Variants in FYB1 observed in about 807,000 individuals in gnomAD.
The protein encoded by FYB1 is FYN-binding protein 1.
In FYB1, 41 loss-of-function variants were observed where a neutral mutation model predicts 94.1. The ratio of observed to expected loss-of-function variants is 0.44; its 90% CI spans 0.34 to 0.57. FYB1 has a LOEUF of 0.57. Among genes scored for constraint, FYB1 ranks in the 20% least tolerant of loss-of-function variants. FYB1 has a pLI of 0.02. For synonymous variants in FYB1, 367 were observed against 353.2 expected, an observed-to-expected ratio of 1.04 and a Z score of -0.44; for missense variants, 1,050 against 976.8, an observed-to-expected ratio of 1.07 and a Z score of -1.00.
chr5:39,126,182 G>C (rs764578625), intron 11 of FYB1, 47 bp from the exon 12 acceptor site: 1 of 1,592,454 alleles, frequency 6.3e-7, no homozygotes, highest in South Asian at 1.1e-5. Context: ...TCAGCGGCAA[G>C]TGAAGACATT....
intron 2 of FYB1, among the ~76,000 whole-genome samples, chr5:39,167,816 A>T (rs2150390270): frequency 6.6e-6 from 1 of 152,320 alleles, no homozygotes; most frequent in South Asian, 2.1e-4. Flanking sequence ...TGCCTCAATG[A>T]AGTCTTGTCT....
intron 3 of FYB1, among the ~76,000 whole-genome samples, chr5:39,148,154 TTTATATATATATATA>T (rs1214359223): frequency 4.8e-5 from 2 of 41,924 alleles, no homozygotes; most frequent in Non-Finnish European, 7.1e-5. Context: ...ATATGTATTT[TTTATATATATATATA>T]TATATATATA....
intron 2 of FYB1, among the ~76,000 whole-genome samples, chr5:39,190,768 T>TTGTGTGTGTGTGTGTGTGTGTGTGTG (rs3028815): frequency 2.7e-5 from 4 of 146,452 alleles, no homozygotes; most frequent in African/African-American, 1.0e-4. Context: ...CCATGCTTAT[T>TTGTGTGTGTGTGTGTGTGTGTGTGTG]TGTGTGTGTG....
intron 1 of FYB1, among the ~76,000 whole-genome samples, chr5:39,233,895 CAT>C (rs1327179579): frequency 2.6e-5 from 4 of 152,100 alleles, no homozygotes; most frequent in African/African-American, 9.7e-5. Context: ...GACAAGTTAA[CAT>C]AGTAGTATTA....
chr5:39,217,207 A>C (rs1403329461), intron 1 of FYB1, among the ~76,000 whole-genome samples: 1 of 152,230 alleles, frequency 6.6e-6, no homozygotes, highest in African/African-American at 2.4e-5. Flanking sequence ...AAAAGAAAGG[A>C]GACAAATGGG....
At chr5:39,134,004 G>A (rs539154293) in intron 9 of FYB1, among the ~76,000 whole-genome samples, 1 of 152,242 alleles carries the variant, frequency 6.6e-6, no homozygotes, top group South Asian at 2.1e-4. Context: ...TATATTTCAA[G>A]TAGTATTTGA....
intron 2 of FYB1, among the ~76,000 whole-genome samples, chr5:39,179,552 T>TC (rs1299529323): frequency 2.0e-5 from 3 of 150,612 alleles, no homozygotes; most frequent in Non-Finnish European, 4.4e-5. Context: ...TTTTTTCTTT[T>TC]TTTTTTTTTT....
intron 2 of FYB1, among the ~76,000 whole-genome samples, chr5:39,165,921 A>G (rs1034492099): frequency 2.0e-5 from 3 of 152,256 alleles, no homozygotes; most frequent in African/African-American, 7.2e-5. Flanking sequence ...TAAAACCGCA[A>G]TGAGATATCA....
At chr5:39,188,541 T>TA in intron 2 of FYB1, among the ~76,000 whole-genome samples, 1 of 13,388 alleles carries the variant, frequency 7.5e-5, no homozygotes, top group South Asian at 3.2e-3. Context: ...ACTACAGCAC[T>TA]TTTTTTTTTT....
chr5:39,137,681 T>C lies in FYB1; in HGVS notation c.1434A>G (p.Glu478=). ...SKEREKKREK[E]EKKRLELEKK... ...TCTCCAGCTCTAACCTCTTCTTTTC[T>C]TCCTTTTCCCTTTTCTTCTCTCTTT... is the stretch of plus-strand genomic sequence containing the variant. Residue 478 remains glutamate (E), a synonymous_variant, in exon 7 of 19, where the codon GAA becomes GAG. Transcript: ENST00000512982. The C allele has an allele frequency of 6.5e-7, 1 of 1,544,340 alleles. No homozygotes were observed. The highest frequency in any genetic ancestry group is 8.8e-7 in the Non-Finnish European group (1 of 1,140,456).
intron 2 of FYB1, among the ~76,000 whole-genome samples, chr5:39,179,158 C>T (rs1212220964): frequency 6.6e-6 from 1 of 152,186 alleles, no homozygotes; most frequent in African/African-American, 2.4e-5. Flanking sequence ...AAACCATATA[C>T]GGTAGGCAGC....
intron 2 of FYB1, among the ~76,000 whole-genome samples, chr5:39,190,403 C>T (rs1747248546): frequency 6.6e-6 from 1 of 152,156 alleles, no homozygotes; most frequent in Non-Finnish European, 1.5e-5. Flanking sequence ...GCACAGGCTG[C>T]TCCACCCAAT....
intron 4 of FYB1, among the ~76,000 whole-genome samples, chr5:39,140,836 T>C (rs1302477531): frequency 6.6e-6 from 1 of 152,204 alleles, no homozygotes; most frequent in Non-Finnish European, 1.5e-5. Flanking sequence ...ACTAAATACA[T>C]GCATACATGT....
At position 39,153,593 on chromosome 5, in the gene FYB1, C is replaced by G. The variant is rs183587117; in HGVS notation, c.1147G>C (p.Gly383Arg). 115 of 1,612,350 alleles carry G rather than the reference C, an allele frequency of 7.1e-5. No individual in the cohort carries two copies. The African/African-American group carries it at 1.3e-3, about 19-fold the overall frequency. ...GAAGTTGTTGAGTAAGACGTCTGGC[C>G]TTTGCTAGTACCTAAGAAGCAAAGC... ...KTSSGNSTSK[G>R]QTSYSTTSLP... Residue 383 changes from glycine (G) to arginine (R), a missense_variant, in exon 3 of 19, where the codon GGC becomes CGC. By Grantham distance (125) the Gly-to-Arg change is moderately radical. Transcript: ENST00000512982.
chr5:39,151,051 T>C (rs886241879), intron 3 of FYB1, among the ~76,000 whole-genome samples: 5 of 152,170 alleles, frequency 3.3e-5, no homozygotes, highest in East Asian at 1.9e-4. Context: ...CTACCTGCGC[T>C]CTGTGCCTAG....
chr5:39,250,283 C>A (rs1355072698), intron 1 of FYB1, among the ~76,000 whole-genome samples: 2 of 152,032 alleles, frequency 1.3e-5, no homozygotes, highest in South Asian at 2.1e-4. Flanking sequence ...GAGAGAGGGG[C>A]AAAGATGGTG....
intron 1 of FYB1, among the ~76,000 whole-genome samples, chr5:39,224,773 A>G (rs1390957512): frequency 6.6e-6 from 1 of 152,150 alleles, no homozygotes; most frequent in Non-Finnish European, 1.5e-5. Flanking sequence ...CTCCTATTTA[A>G]TGTGTAAAAA....
intron 1 of FYB1, among the ~76,000 whole-genome samples, chr5:39,268,834 G>T (rs1752549118): frequency 6.6e-6 from 1 of 151,878 alleles, no homozygotes; most frequent in Non-Finnish European, 1.5e-5. Flanking sequence ...CAAAGTGCTG[G>T]GATTACAGGT....
intron 1 of FYB1, among the ~76,000 whole-genome samples, chr5:39,241,739 G>T (rs1049985610): frequency 4.6e-5 from 7 of 152,106 alleles, no homozygotes; most frequent in African/African-American, 1.7e-4. Flanking sequence ...ACCACTCCTA[G>T]TGGGAAATCC....
Sources: allele counts gnomAD v4.1 joint callset (sites outside exome capture counted in the v4.1 genomes callset), GRCh38; gene constraint gnomAD v4.1.1; transcripts MANE v1.5; gene names NCBI Gene and HGNC (gene_info 2026-07-23, HGNC 2026-07-21).